RAP1GAP2: variants seen among roughly 807,000 people sequenced by gnomAD.
RAP1GAP2 encodes the protein RAP1 GTPase activating protein 2.
Under a neutral mutation model 95.0 loss-of-function variants are expected in RAP1GAP2, and 27 were observed. The ratio of observed to expected loss-of-function variants is 0.28; its 90% confidence interval spans 0.21 to 0.39. The LOEUF (loss-of-function observed/expected upper bound fraction) is 0.39, where lower values mean the gene tolerates loss of function less well. RAP1GAP2 is among the 10% of genes least tolerant of loss of function. The pLI is 1.00. For synonymous variants in RAP1GAP2, 373 were observed against 380.9 expected, an observed-to-expected ratio of 0.98 and a Z score of 0.24; for missense variants, 771 against 970.0, an observed-to-expected ratio of 0.79 and a Z score of 2.72.
chr17:2,960,260 G>A (rs2044263771), intron 4 of RAP1GAP2, among the ~76,000 whole-genome samples: 1 of 152,188 alleles, frequency 6.6e-6, no homozygotes, highest in Non-Finnish European at 1.5e-5. Flanking sequence ...GGGGATGGGA[G>A]GAAGTTTGCT....
chr17:2,924,500 T>C (rs573136707), intron 3 of RAP1GAP2, among the ~76,000 whole-genome samples: 1 of 151,796 alleles, frequency 6.6e-6, no homozygotes, highest in African/African-American at 2.4e-5. Flanking sequence ...GGTGACGTCA[T>C]CTGCTGTAGA....
At chr17:2,907,574 C>A (rs1049416416) in intron 3 of RAP1GAP2, among the ~76,000 whole-genome samples, 1 of 152,094 alleles carries the variant, frequency 6.6e-6, no homozygotes, top group Non-Finnish European at 1.5e-5. Context: ...TGGGGGGACT[C>A]TAACCTAGTC....
intron 3 of RAP1GAP2, among the ~76,000 whole-genome samples, chr17:2,941,230 C>T (rs1386636141): frequency 2.0e-5 from 3 of 152,000 alleles, no homozygotes; most frequent in South Asian, 2.1e-4. Context: ...GGTGAAACCC[C>T]GTCTCTACTA....
At chr17:2,787,531 C>T (rs1391401799) in intron 1 of RAP1GAP2, among the ~76,000 whole-genome samples, 7 of 152,148 alleles carry the variant, frequency 4.6e-5, no homozygotes, top group African/African-American at 1.7e-4. Context: ...GCTAGGATGA[C>T]AGGTGTGAGT....
chr17:2,841,816 C>T (rs772141467), intron 2 of RAP1GAP2, among the ~76,000 whole-genome samples: 24 of 152,146 alleles, frequency 1.6e-4, no homozygotes, highest in Non-Finnish European at 3.2e-4. Flanking sequence ...CGCAGAGGGG[C>T]CATGGCTACC....
chr17:2,898,208 G>A lies in RAP1GAP2; in HGVS notation c.81-7076G>A, dbSNP rs117133406. Among the ~76,000 whole-genome samples the A allele has an allele frequency of 2.1e-4, 32 of 152,222 alleles. No individual in the cohort carries two copies. In the East Asian group the frequency reaches 2.9e-3, roughly 14 times the overall value. On this transcript the variant is annotated intron_variant, in intron 2 of 24. Transcript: ENST00000254695. ...ATTACAGGTGTGAGCCACCTCACCCGGCCAACGGGGGAGTTTTGAATCACC... is the reference window on the plus strand; with the variant it reads ...ATTACAGGTGTGAGCCACCTCACCCAGCCAACGGGGGAGTTTTGAATCACC...
rs1048623774 is a variant in RAP1GAP2, at chr17:2,797,164, G to A, written c.44+593G>A. On this transcript the variant is annotated intron_variant, in intron 1 of 24. Coordinates refer to ENST00000254695, the MANE Select transcript of RAP1GAP2 (RefSeq NM_015085.5). This position sits in a 1 kb window ranked among gnomAD's most constrained non-coding sequence, Gnocchi z 5.6. Reference sequence around the variant, plus strand: ...ACCTCTGGGCTGCCTGCTGTCTTGGGGGTGGGTTGTGAGAGAAGGTCTCCC... The same window carrying A: ...ACCTCTGGGCTGCCTGCTGTCTTGGAGGTGGGTTGTGAGAGAAGGTCTCCC... 6.6e-6 allele frequency among the ~76,000 whole-genome samples: 1 copy of A among 152,136 alleles called. No individual in the cohort carries two copies. Among genetic ancestry groups the A allele is most frequent in the African/African-American group, 2.4e-5 (1 of 41,418 alleles).
upstream of RAP1GAP2, among the ~76,000 whole-genome samples, chr17:2,773,117 C>T (rs1242360612): frequency 6.6e-6 from 1 of 152,128 alleles, no homozygotes; most frequent in African/African-American, 2.4e-5. Context: ...GGATTACAGG[C>T]GTGAGCCACT....
At chr17:2,831,479 G>T (rs978043693) in intron 2 of RAP1GAP2, among the ~76,000 whole-genome samples, 17 of 151,866 alleles carry the variant, frequency 1.1e-4, no homozygotes, top group Non-Finnish European at 2.2e-4. Flanking sequence ...GAGAGCTGCT[G>T]CTGCCTCTGC....
chr17:2,882,873 C>T (rs974001608), intron 2 of RAP1GAP2, among the ~76,000 whole-genome samples: 1 of 152,224 alleles, frequency 6.6e-6, no homozygotes, highest in African/African-American at 2.4e-5. Flanking sequence ...GTCATGTCCC[C>T]AGCGGCTAGC....
chr17:2,891,814 C>CTTT lies in RAP1GAP2; in HGVS notation c.81-13446_81-13444dup, dbSNP rs917540694. ...TGATATGCAGATTCATATTTCTTTT[C>CTTT]TTTTTTTTTTTTTTTTTTTTTTTTT... On this transcript the variant is annotated intron_variant, in intron 2 of 24. Coordinates refer to ENST00000254695, the MANE Select transcript of RAP1GAP2 (RefSeq NM_015085.5). Among the ~76,000 whole-genome samples, 53 of 54,282 alleles carry CTTT rather than the reference C, an allele frequency of 9.8e-4. 2 individuals carry two copies. The highest frequency in any genetic ancestry group is 1.5e-3 in the Non-Finnish European group (41 of 27,396). 35.6% of individuals were successfully genotyped at this position (54,282 alleles called of 152,430 possible). A position where few individuals can be genotyped will look rare whatever the true frequency, so the allele number is the denominator to read the frequency against.
chr17:2,832,391 T>A (rs560997862), intron 2 of RAP1GAP2, among the ~76,000 whole-genome samples: 3 of 149,834 alleles, frequency 2.0e-5, no homozygotes, highest in East Asian at 2.0e-4. Flanking sequence ...ACCCCATCTC[T>A]ACTAAAAATA....
At chr17:3,025,348 G>C (rs2047074856) in intron 19 of RAP1GAP2, among the ~76,000 whole-genome samples, 1 of 152,208 alleles carries the variant, frequency 6.6e-6, no homozygotes, top group Non-Finnish European at 1.5e-5. Flanking sequence ...CTGCACTCCA[G>C]CCTGGGCAAC....
At position 3,026,176 on chromosome 17, in the gene RAP1GAP2, CG is replaced by C. The variant is rs1457752536; in HGVS notation, c.1865+56del. 8 of 1,420,052 alleles carry C rather than the reference CG, an allele frequency of 5.6e-6. No homozygotes were observed. The African/African-American group carries it at 1.1e-4, about 20-fold the overall frequency. The allele number at this position is 1,420,052 out of a possible 1,614,324, so 88.0% of individuals were successfully genotyped here. Reference sequence around the variant, plus strand: ...TTCGGCCACGTGGAGCCCTGGAACACGCCCTCTGCCTCCTGGCCAGCTGAGA... The same window carrying C: ...TTCGGCCACGTGGAGCCCTGGAACACCCCTCTGCCTCCTGGCCAGCTGAGA... On this transcript the variant is annotated intron_variant, in intron 20 of 24. Coordinates refer to ENST00000254695, the MANE Select transcript of RAP1GAP2 (RefSeq NM_015085.5).
chr17:2,878,091 G>A lies in RAP1GAP2; in HGVS notation c.81-27193G>A, dbSNP rs143790195. Among the ~76,000 whole-genome samples, 12 of 152,262 alleles carry A rather than the reference G, an allele frequency of 7.9e-5. No individual in the cohort carries two copies. The East Asian group carries it at 2.1e-3, about 27-fold the overall frequency. On this transcript the variant is annotated intron_variant, in intron 2 of 24. Coordinates refer to ENST00000254695, the MANE Select transcript of RAP1GAP2 (RefSeq NM_015085.5). ...GCGTTACCTGGCATCCTCTGGAAAT[G>A]CAGATGCGTAAAGGTGGGTCTGGGC...
intron 1 of RAP1GAP2, among the ~76,000 whole-genome samples, chr17:2,760,174 T>G (rs1242681002): frequency 6.7e-6 from 1 of 150,120 alleles, no homozygotes; most frequent in Non-Finnish European, 1.5e-5. Flanking sequence ...GAGCCTGTAG[T>G]CCCAGCTACT....
At chr17:2,853,293 C>T (rs1432406766) in intron 2 of RAP1GAP2, among the ~76,000 whole-genome samples, 7 of 151,580 alleles carry the variant, frequency 4.6e-5, no homozygotes, top group Non-Finnish European at 1.0e-4. Context: ...AAGCGCTGGG[C>T]GGCCGGGAGG....
At chr17:2,951,011 C>T (rs993730869) in intron 3 of RAP1GAP2, among the ~76,000 whole-genome samples, 10 of 152,184 alleles carry the variant, frequency 6.6e-5, no homozygotes, top group Non-Finnish European at 1.3e-4. Flanking sequence ...ACTCCCCAGA[C>T]CTGGGCTTCG....
At chr17:2,976,969 T>C (rs1322592212) in intron 8 of RAP1GAP2, among the ~76,000 whole-genome samples, 5 of 152,026 alleles carry the variant, frequency 3.3e-5, no homozygotes, top group African/African-American at 1.2e-4. Flanking sequence ...ATCCTGTCTC[T>C]ACTAAAAATA....
Sources: gnomAD v4.1 joint callset for allele counts (sites outside exome capture counted in the v4.1 genomes callset) on GRCh38, gnomAD v4.1.1 for gene constraint, Gnocchi (gnomAD v3.1) non-coding constraint, MANE v1.5 for transcripts, NCBI Gene and HGNC (gene_info 2026-07-23, HGNC 2026-07-21) for gene names.